TENM3: variants seen among roughly 807,000 people sequenced by gnomAD.
TENM3 encodes the protein teneurin transmembrane protein 3.
In TENM3, 63 loss-of-function variants were observed where a neutral mutation model predicts 255.1. That is an observed-to-expected ratio of 0.25 (90% CI 0.20 to 0.30). TENM3 has a LOEUF of 0.30. TENM3 is among the 10% of genes least tolerant of loss of function. The pLI is 1.00. For missense variants in TENM3, 2,929 were observed against 3,461.1 expected, an observed-to-expected ratio of 0.85 and a Z score of 3.86; for synonymous variants, 1,306 against 1,322.3, an observed-to-expected ratio of 0.99 and a Z score of 0.27.
intron 3 of TENM3, among the ~76,000 whole-genome samples, chr4:182,400,953 A>G (rs955078321): frequency 3.9e-5 from 6 of 152,204 alleles, no homozygotes; most frequent in Non-Finnish European, 7.3e-5. Context: ...TTGACTTTTG[A>G]TAAATATAAA....
At chr4:182,156,590 A>G (rs1344836119) in intron 1 of TENM3, among the ~76,000 whole-genome samples, 1 of 151,938 alleles carries the variant, frequency 6.6e-6, no homozygotes, top group Non-Finnish European at 1.5e-5. Flanking sequence ...TAGACAAAAT[A>G]TGATAGTTTT....
At chr4:182,362,445 C>G (rs555668966) in intron 3 of TENM3, among the ~76,000 whole-genome samples, 1 of 151,896 alleles carries the variant, frequency 6.6e-6, no homozygotes, top group Non-Finnish European at 1.5e-5. Context: ...CCTCCCCCAG[C>G]CTCACTGCCA....
At chr4:182,154,227 G>A (rs1277079050) in intron 1 of TENM3, among the ~76,000 whole-genome samples, 1 of 151,654 alleles carries the variant, frequency 6.6e-6, no homozygotes, top group Non-Finnish European at 1.5e-5. Context: ...GGTATAAATG[G>A]CTAATTTTGG....
chr4:182,509,806 G>T (rs74572843), intron 3 of TENM3, among the ~76,000 whole-genome samples: 27 of 151,992 alleles, frequency 1.8e-4, no homozygotes, highest in African/African-American at 5.3e-4. Context: ...GGGTGGTGGC[G>T]CATGCCTGTA....
the TENM3 span, among the ~76,000 whole-genome samples, chr4:181,778,794 C>A: frequency 5.3e-5 from 8 of 152,222 alleles, no homozygotes; most frequent in South Asian, 1.2e-3. Flanking sequence ...GCTGCTGGAA[C>A]CTTTTCTTGT....
chr4:182,267,332 T>C (rs558461677), intron 1 of TENM3, among the ~76,000 whole-genome samples: 1 of 152,318 alleles, frequency 6.6e-6, no homozygotes, highest in South Asian at 2.1e-4. Flanking sequence ...ATATAATTAT[T>C]TGCATAGGTA....
intron 1 of TENM3, among the ~76,000 whole-genome samples, chr4:182,197,854 C>G (rs1377304142): frequency 6.6e-6 from 1 of 152,208 alleles, no homozygotes; most frequent in Admixed American, 6.5e-5. Flanking sequence ...CCTGTAATCC[C>G]AGCACTTCGG....
chr4:182,278,746 G>C (rs1177705654), intron 1 of TENM3, among the ~76,000 whole-genome samples: 1 of 152,084 alleles, frequency 6.6e-6, no homozygotes, highest in East Asian at 1.9e-4. Flanking sequence ...TGCCTCCAGC[G>C]CATACAGTGG....
chr4:181,660,480 A>G, the TENM3 span, among the ~76,000 whole-genome samples: 10 of 152,314 alleles, frequency 6.6e-5, no homozygotes, highest in Admixed American at 6.5e-4. Flanking sequence ...GTTTAGAGAT[A>G]ATCAAAATGC....
chr4:182,624,239 GTTTCT>G (rs2152460825), intron 4 of TENM3, among the ~76,000 whole-genome samples: 1 of 152,190 alleles, frequency 6.6e-6, no homozygotes, highest in East Asian at 1.9e-4. Flanking sequence ...TCTAAATATG[GTTTCT>G]TTCTGACATT....
At chr4:181,995,067 T>A in the TENM3 span, among the ~76,000 whole-genome samples, 1 of 152,090 alleles carries the variant, frequency 6.6e-6, no homozygotes, top group African/African-American at 2.4e-5. Flanking sequence ...GGCGGGTAGA[T>A]CACTTGAGGT....
the TENM3 span, among the ~76,000 whole-genome samples, chr4:181,614,345 AT>A: frequency 6.6e-6 from 1 of 152,024 alleles, no homozygotes; most frequent in South Asian, 2.1e-4. Context: ...AAAAGATCTG[AT>A]TTTTTTGTCT....
chr4:182,338,467 A>G (rs1324256097), intron 2 of TENM3, among the ~76,000 whole-genome samples: 1 of 152,212 alleles, frequency 6.6e-6, no homozygotes, highest in Non-Finnish European at 1.5e-5. Context: ...GCTCTTAGAT[A>G]TAGACTACTT....
the TENM3 span, among the ~76,000 whole-genome samples, chr4:181,887,312 A>T: frequency 6.6e-6 from 1 of 152,142 alleles, no homozygotes; most frequent in East Asian, 1.9e-4. Context: ...GTATGCATTA[A>T]AAACTAAATG....
chr4:182,651,388 AT>A (rs1753273239), intron 5 of TENM3, among the ~76,000 whole-genome samples: 1 of 152,074 alleles, frequency 6.6e-6, no homozygotes, highest in Non-Finnish European at 1.5e-5. Context: ...CTATATCTTA[AT>A]CCGTGAAAAT....
At chr4:182,346,974 T>C in intron 3 of TENM3, 45 bp downstream of exon 3, 1 of 1,377,580 alleles carries the variant, frequency 7.3e-7, no homozygotes, top group Non-Finnish European at 9.6e-7. Flanking sequence ...TCAGTGCTTC[T>C]GTCTGTTTTG....
chr4:182,478,208 C>CAG (rs1733861023), intron 3 of TENM3, among the ~76,000 whole-genome samples: 1 of 151,928 alleles, frequency 6.6e-6, no homozygotes, highest in Non-Finnish European at 1.5e-5. Context: ...TATTTTCATA[C>CAG]TACTCTCATT....
the TENM3 span, among the ~76,000 whole-genome samples, chr4:181,931,518 A>G: frequency 1.3e-5 from 2 of 152,222 alleles, no homozygotes; most frequent in Admixed American, 1.3e-4. Context: ...ATCAGAGAGG[A>G]CACAAACAAA....
chr4:182,194,956 G>T (rs1055498363), intron 1 of TENM3, among the ~76,000 whole-genome samples: 14 of 151,522 alleles, frequency 9.2e-5, no homozygotes, highest in African/African-American at 3.4e-4. Flanking sequence ...TTCAGACATA[G>T]TAGGGTCACT....
Sources: allele counts gnomAD v4.1 joint callset (sites outside exome capture counted in the v4.1 genomes callset), GRCh38; gene constraint gnomAD v4.1.1; transcripts MANE v1.5; gene names NCBI Gene and HGNC (gene_info 2026-07-23, HGNC 2026-07-21).